Variants in SEMA3A observed in about 807,000 individuals in gnomAD.
The protein encoded by SEMA3A is semaphorin-3A.
Under a neutral mutation model 97.9 loss-of-function variants are expected in SEMA3A, and 29 were observed. That is an observed-to-expected ratio of 0.30 (90% CI 0.22 to 0.40). The LOEUF (loss-of-function observed/expected upper bound fraction) is 0.40, where lower values mean the gene tolerates loss of function less well. Ranked by LOEUF, SEMA3A falls within the 10% of genes least tolerant of loss-of-function variation. The probability of loss-of-function intolerance (pLI) is 1.00; values close to 1 mark genes in which losing one functional copy is unlikely to be tolerated. For missense variants in SEMA3A, 763 were observed against 951.3 expected (o/e 0.80, Z 2.60); for synonymous variants, 321 against 323.7 (o/e 0.99, Z 0.09).
chr7:84,303,534 T>C (rs1484828334), intron 3 of SEMA3A, among the ~76,000 whole-genome samples: 1 of 152,016 alleles, frequency 6.6e-6, no homozygotes, highest in Non-Finnish European at 1.5e-5. Flanking sequence ...GGTGAACATA[T>C]TGACTAGTCT....
chr7:84,405,398 G>A (rs1804050847), intron 1 of SEMA3A, among the ~76,000 whole-genome samples: 1 of 152,086 alleles, frequency 6.6e-6, no homozygotes, highest in Non-Finnish European at 1.5e-5. Flanking sequence ...CATAAAGCAA[G>A]TCCTTAGTGA....
At chr7:83,986,810 T>C (rs1789650198) in intron 12 of SEMA3A, among the ~76,000 whole-genome samples, 1 of 151,990 alleles carries the variant, frequency 6.6e-6, no homozygotes, top group Admixed American at 6.6e-5. Context: ...TGTGTAAACT[T>C]TTTGTAATTC....
chr7:84,066,582 A>G (rs1317672965), intron 4 of SEMA3A, among the ~76,000 whole-genome samples: 3 of 150,096 alleles, frequency 2.0e-5, no homozygotes, highest in Non-Finnish European at 4.4e-5. Context: ...GTCTCAGGAT[A>G]CAAAATCAAT....
At chr7:84,331,829 G>A (rs1275887350) in intron 2 of SEMA3A, among the ~76,000 whole-genome samples, 4 of 152,102 alleles carry the variant, frequency 2.6e-5, no homozygotes, top group African/African-American at 7.2e-5. Context: ...GGCAGAAAAG[G>A]GGGAAATGGA....
At chr7:84,050,247 G>A (rs1792558026) in intron 5 of SEMA3A, among the ~76,000 whole-genome samples, 1 of 152,066 alleles carries the variant, frequency 6.6e-6, no homozygotes, top group Non-Finnish European at 1.5e-5. Context: ...GGATGGCTGG[G>A]TCAAATGGTA....
intron 1 of SEMA3A, among the ~76,000 whole-genome samples, chr7:84,410,836 A>T (rs1025289634): frequency 5.9e-5 from 9 of 152,172 alleles, no homozygotes; most frequent in Middle Eastern, 3.4e-3. Context: ...GTACACTTAG[A>T]CTCTTAAAAG....
At chr7:84,390,719 C>T (rs181228430) in intron 1 of SEMA3A, among the ~76,000 whole-genome samples, 1 of 152,106 alleles carries the variant, frequency 6.6e-6, no homozygotes, top group African/African-American at 2.4e-5. Flanking sequence ...AGCAAGAAAC[C>T]AACTATTCTT....
intron 3 of SEMA3A, among the ~76,000 whole-genome samples, chr7:84,210,175 G>A (rs1276530136): frequency 6.6e-6 from 1 of 152,144 alleles, no homozygotes; most frequent in Admixed American, 6.5e-5. Flanking sequence ...TGGGGAAGAA[G>A]AAAATGAATA....
At chr7:84,248,337 C>G (rs191808870) in intron 3 of SEMA3A, among the ~76,000 whole-genome samples, 1 of 152,224 alleles carries the variant, frequency 6.6e-6, no homozygotes, top group East Asian at 1.9e-4. Flanking sequence ...CTTGACCATG[C>G]CACTCTGACA....
intron 3 of SEMA3A, among the ~76,000 whole-genome samples, chr7:84,217,900 G>C (rs1264920437): frequency 6.6e-6 from 1 of 151,902 alleles, no homozygotes; most frequent in Non-Finnish European, 1.5e-5. Context: ...GGGTAACAAA[G>C]TAAGACGCCA....
intron 1 of SEMA3A, among the ~76,000 whole-genome samples, chr7:84,438,881 TTAA>T: frequency 6.6e-6 from 1 of 150,840 alleles, no homozygotes; most frequent in East Asian, 1.9e-4. Context: ...ACAGATTTAA[TTAA>T]TGTTACTTCT....
chr7:84,342,601 G>A (rs1367472068), intron 2 of SEMA3A, among the ~76,000 whole-genome samples: 1 of 152,162 alleles, frequency 6.6e-6, no homozygotes, highest in Admixed American at 6.5e-5. Context: ...GTGTGTTTGT[G>A]TGTACAAATT....
At chr7:84,164,298 A>G (rs1028216510) in intron 1 of SEMA3A, among the ~76,000 whole-genome samples, 1 of 152,198 alleles carries the variant, frequency 6.6e-6, no homozygotes, top group African/African-American at 2.4e-5. Context: ...ATTGTTACTA[A>G]AATAGAAAGA....
chr7:84,203,526 A>ATATATATATATATATTTTTTT (rs372380784), intron 3 of SEMA3A, among the ~76,000 whole-genome samples: 1 of 25,656 alleles, frequency 3.9e-5, no homozygotes, highest in African/African-American at 1.3e-4. Flanking sequence ...ATATATATAT[A>ATATATATATATATATTTTTTT]TTTTTTTTTT....
At chr7:84,316,569 T>C (rs1262920501) in intron 2 of SEMA3A, among the ~76,000 whole-genome samples, 1 of 152,112 alleles carries the variant, frequency 6.6e-6, no homozygotes, top group African/African-American at 2.4e-5. Flanking sequence ...AGTCTATATA[T>C]TAAAATTATG....
At position 84,403,157 on chromosome 7, in the gene SEMA3A, G is replaced by A. The variant is rs550459923; in HGVS notation, c.-245-31257C>T. Among the ~76,000 whole-genome samples, 437 of 152,184 alleles carry A rather than the reference G, an allele frequency of 2.9e-3. 3 individuals are homozygous for A. The highest frequency in any genetic ancestry group is 9.8e-3 in the African/African-American group (405 of 41,524). The stretch of plus-strand genomic sequence containing the variant: ...AATTCCCTTTCCTAGTCAAAGAAAG[G>A]GGTGACAGATGGCACCTGGAAAATC... On this transcript the variant is annotated intron_variant, in intron 1 of 3. Transcript: ENST00000424555.
intron 1 of SEMA3A, among the ~76,000 whole-genome samples, chr7:84,423,131 T>C (rs1369913935): frequency 2.6e-5 from 4 of 152,042 alleles, no homozygotes; most frequent in Admixed American, 6.6e-5. Context: ...ATTGTAACAA[T>C]AGAAAAATGT....
intron 1 of SEMA3A, among the ~76,000 whole-genome samples, chr7:84,461,347 A>G (rs1674888108): frequency 1.3e-5 from 2 of 152,214 alleles, no homozygotes; most frequent in South Asian, 2.1e-4. Context: ...ATACCACAGT[A>G]TAAAGACAGG....
At chr7:84,078,458 A>G (rs142246843) in intron 4 of SEMA3A, among the ~76,000 whole-genome samples, 1 of 152,222 alleles carries the variant, frequency 6.6e-6, no homozygotes, top group African/African-American at 2.4e-5. Context: ...CCTCTAAACC[A>G]TTGTAACTCA....
Sources: gnomAD v4.1 joint callset for allele counts (sites outside exome capture counted in the v4.1 genomes callset) on GRCh38, gnomAD v4.1.1 for gene constraint, MANE v1.5 for transcripts, NCBI Gene and HGNC (gene_info 2026-07-23, HGNC 2026-07-21) for gene names.